Variants in DIP2C observed in about 807,000 individuals in gnomAD.
The protein encoded by DIP2C is DIP2 acetate--CoA ligase C (putative), also known as disco-interacting protein 2 homolog C.
DIP2C carries 33 observed loss-of-function variants against 192.4 expected under a neutral mutation model. The observed-to-expected ratio is 0.17, with a 90% CI of 0.13 to 0.23. The LOEUF (loss-of-function observed/expected upper bound fraction) is 0.23, where lower values mean the gene tolerates loss of function less well. Ranked by LOEUF, DIP2C falls within the 10% of genes least tolerant of loss-of-function variation. The pLI is 1.00. For synonymous variants in DIP2C, 979 were observed against 864.1 expected (o/e 1.13, Z -2.33); for missense variants, 1,537 against 2,110.1 (o/e 0.73, Z 5.32).
At chr10:569,732 T>C (rs1460439047) in intron 1 of DIP2C, among the ~76,000 whole-genome samples, 4 of 152,130 alleles carry the variant, frequency 2.6e-5, no homozygotes, top group African/African-American at 4.8e-5. Context: ...CACCATGAAA[T>C]AGACGGCTGT....
intron 1 of DIP2C, among the ~76,000 whole-genome samples, chr10:596,775 T>C (rs1302661259): frequency 3.9e-5 from 6 of 152,130 alleles, no homozygotes; most frequent in South Asian, 4.1e-4. Context: ...TAAGGAGCCA[T>C]TGGTGGCATC....
chr10:642,757 C>G (rs1855258894), intron 1 of DIP2C, among the ~76,000 whole-genome samples: 1 of 152,260 alleles, frequency 6.6e-6, no homozygotes, highest in Non-Finnish European at 1.5e-5. Context: ...CACAACCACC[C>G]TTTCAGCCCT....
At chr10:564,700 GC>G (rs1402346556) in intron 1 of DIP2C, among the ~76,000 whole-genome samples, 2 of 152,090 alleles carry the variant, frequency 1.3e-5, no homozygotes, top group Admixed American at 1.3e-4. Context: ...GAGCCAATAT[GC>G]CCGAAGCATT....
chr10:337,799 A>AAGTGTGTTGTGGAGG (rs1564577006), intron 29 of DIP2C, among the ~76,000 whole-genome samples: 16 of 16,720 alleles, frequency 9.6e-4, no homozygotes, highest in Non-Finnish European at 1.5e-3. Context: ...GTGTGTGTGC[A>AAGTGTGTTGTGGAGG]CGTGTGTCGT....
At chr10:602,199 A>T (rs1852131473) in intron 1 of DIP2C, among the ~76,000 whole-genome samples, 1 of 152,136 alleles carries the variant, frequency 6.6e-6, no homozygotes, top group African/African-American at 2.4e-5. Context: ...TGCAGTCCTA[A>T]AGTGTCAGTT....
chr10:508,335 G>GC (rs1845774046), intron 1 of DIP2C, among the ~76,000 whole-genome samples: 1 of 152,184 alleles, frequency 6.6e-6, no homozygotes, highest in African/African-American at 2.4e-5. Flanking sequence ...GGCTCAGAGT[G>GC]CCCAGGCCCT....
At chr10:514,416 G>A (rs1335072750) in intron 1 of DIP2C, among the ~76,000 whole-genome samples, 2 of 152,154 alleles carry the variant, frequency 1.3e-5, no homozygotes, top group Admixed American at 6.5e-5. Context: ...GCTTCGTGCC[G>A]GGAACAGTTC....
intron 1 of DIP2C, among the ~76,000 whole-genome samples, chr10:503,549 CCTCTTT>C (rs1845396167): frequency 6.6e-6 from 1 of 152,188 alleles, no homozygotes; most frequent in Admixed American, 6.6e-5. Flanking sequence ...GTGTTCCTAG[CCTCTTT>C]CTCTGAGAGC....
At chr10:624,980 C>T (rs1032795781) in intron 1 of DIP2C, among the ~76,000 whole-genome samples, 3 of 152,170 alleles carry the variant, frequency 2.0e-5, no homozygotes, top group African/African-American at 4.8e-5. Context: ...CAGGCCTGGC[C>T]GGCGGCGCAA....
rs1954411304 is a variant in DIP2C at position 274,358 on chromosome 10, T to C, written c.*2967A>G. 6.6e-6 allele frequency: 1 copy of C among 152,246 alleles called. No homozygotes were observed. Among genetic ancestry groups the C allele is most frequent in the African/African-American group, 2.4e-5 (1 of 41,476 alleles). The allele number at this position is 152,246 out of a possible 1,614,324, so 9.4% of individuals were successfully genotyped here. On this transcript the variant is annotated 3_prime_UTR_variant, in exon 37 of 37. Coordinates refer to ENST00000280886, the MANE Select transcript of DIP2C (RefSeq NM_014974.3). ...CTGTACTAAGTAATGCAACAAATTA[T>C]GTAAACAGAGTCAGATACATTTCCC...
At chr10:433,419 G>C (rs1440413132) in intron 4 of DIP2C, among the ~76,000 whole-genome samples, 1 of 152,176 alleles carries the variant, frequency 6.6e-6, no homozygotes, top group East Asian at 1.9e-4. Flanking sequence ...GCTCATGCCT[G>C]TAATCCCAGC....
chr10:558,205 C>T (rs1428705484), intron 1 of DIP2C, among the ~76,000 whole-genome samples: 1 of 152,118 alleles, frequency 6.6e-6, no homozygotes, highest in Non-Finnish European at 1.5e-5. Context: ...GAGTACTGAG[C>T]ATGCGTCAAG....
At chr10:459,512 C>T (rs915056010) in intron 3 of DIP2C, among the ~76,000 whole-genome samples, 2 of 152,260 alleles carry the variant, frequency 1.3e-5, no homozygotes, top group African/African-American at 4.8e-5. Context: ...GTAGCTCCAC[C>T]CACATCACAG....
At position 357,324 on chromosome 10, in the gene DIP2C, G is replaced by A. The variant is rs1358968860; in HGVS notation, c.2904+504C>T. On this transcript the variant is annotated intron_variant, in intron 23 of 36. Coordinates refer to ENST00000280886, the MANE Select transcript of DIP2C (RefSeq NM_014974.3). ...GGCCCCCTAACCTGGGTTTTGAACT[G>A]CTTCTTAGAGTCCACAGAGCACAGG... is the stretch of plus-strand genomic sequence containing the variant. Among the ~76,000 whole-genome samples the A allele has an allele frequency of 3.3e-5, 5 of 152,166 alleles. No homozygotes were observed. The East Asian group carries it at 7.7e-4, about 23-fold the overall frequency.
intron 30 of DIP2C, 41 bp downstream of exon 30, chr10:329,392 G>A (rs760168253): frequency 1.7e-5 from 27 of 1,577,310 alleles, no homozygotes; most frequent in Non-Finnish European, 2.2e-5. Context: ...AGGAGTCCCT[G>A]TGGGCTCACA....
At chr10:352,475 T>C (rs1211071758) in intron 24 of DIP2C, among the ~76,000 whole-genome samples, 1 of 152,202 alleles carries the variant, frequency 6.6e-6, no homozygotes, top group Non-Finnish European at 1.5e-5. Context: ...TCTCAGGTGT[T>C]AGGTCCCAAA....
intron 22 of DIP2C, among the ~76,000 whole-genome samples, chr10:359,093 C>T (rs1020704782): frequency 2.0e-5 from 3 of 152,130 alleles, no homozygotes; most frequent in South Asian, 2.1e-4. Flanking sequence ...AACAGACACA[C>T]GTGCCCAGAT....
At chr10:487,758 T>C (rs770932027) in intron 1 of DIP2C, among the ~76,000 whole-genome samples, 6 of 151,906 alleles carry the variant, frequency 3.9e-5, no homozygotes, top group Non-Finnish European at 7.4e-5. Context: ...TTTGTATTTT[T>C]AGTAGAGACA....
intron 32 of DIP2C, among the ~76,000 whole-genome samples, chr10:302,285 C>T (rs769750680): frequency 6.6e-6 from 1 of 152,130 alleles, no homozygotes; most frequent in Non-Finnish European, 1.5e-5. Flanking sequence ...TGCCATTTCA[C>T]AGGCAGAGAA....
Sources: gnomAD v4.1 joint callset for allele counts (sites outside exome capture counted in the v4.1 genomes callset) on GRCh38, gnomAD v4.1.1 for gene constraint, MANE v1.5 for transcripts, NCBI Gene and HGNC (gene_info 2026-07-23, HGNC 2026-07-21) for gene names.